Variants in PPM1D observed in about 807,000 individuals in gnomAD.
PPM1D encodes protein phosphatase, Mg2+/Mn2+ dependent 1D.
A neutral mutation model predicts 58.3 loss-of-function variants in PPM1D; 52 were observed. The ratio of observed to expected loss-of-function variants is 0.89; its 90% CI spans 0.71 to 1.12. PPM1D has a LOEUF of 1.12. PPM1D is among the 50% of genes most tolerant of loss of function. The pLI is 0.00. For synonymous variants in PPM1D, 278 were observed against 285.1 expected, an observed-to-expected ratio of 0.98 and a Z score of 0.25; for missense variants, 564 against 777.2, an observed-to-expected ratio of 0.73 and a Z score of 3.26.
intron 3 of PPM1D, among the ~76,000 whole-genome samples, chr17:60,647,078 T>G (rs1233753358): frequency 6.6e-6 from 1 of 152,250 alleles, no homozygotes; most frequent in Non-Finnish European, 1.5e-5. Flanking sequence ...TTATCTTGAT[T>G]AATCTTGGCC....
rs1159902812 is a variant in PPM1D at position 60,608,088 on chromosome 17, CCTT to C, written c.472+7205_472+7207del. Among the ~76,000 whole-genome samples the C allele has an allele frequency of 3.3e-5, 5 of 152,090 alleles. No homozygotes were observed. In the East Asian group the frequency reaches 9.6e-4, roughly 29 times the overall value. ...ATTTTTTCATCATAAAGGATCTTCA[CCTT>C]CTCATAAATTATACGTTCTGAAAGA... On this transcript the variant is annotated intron_variant, in intron 1 of 5. Coordinates refer to ENST00000305921, the MANE Select transcript of PPM1D (RefSeq NM_003620.4).
chr17:60,633,761 AGT>A lies in PPM1D; in HGVS notation c.702-91_702-90del, dbSNP rs2030973012. On this transcript the variant is annotated intron_variant, in intron 2 of 5. Transcript: ENST00000305921. The stretch of plus-strand genomic sequence containing the variant: ...ATAAGACATTATTTTGTAATAATGT[AGT>A]CTTATTTTATTAGTGATTTAATATA... 4 of 1,231,294 alleles carry A rather than the reference AGT, an allele frequency of 3.2e-6. No individual in the cohort carries two copies. In the Admixed American group the frequency reaches 1.1e-4, roughly 33 times the overall value. 76.3% of individuals were successfully genotyped at this position (1,231,294 alleles called of 1,614,324 possible). A position where few individuals can be genotyped will look rare whatever the true frequency, so the allele number is the denominator to read the frequency against.
intron 4 of PPM1D, among the ~76,000 whole-genome samples, chr17:60,652,407 G>A (rs967393430): frequency 3.9e-5 from 6 of 152,040 alleles, no homozygotes; most frequent in East Asian, 3.8e-4. Context: ...TGGAATTGAC[G>A]TAGGATGATT....
intron 3 of PPM1D, among the ~76,000 whole-genome samples, chr17:60,647,513 T>G (rs1476069096): frequency 6.6e-6 from 1 of 152,068 alleles, no homozygotes; most frequent in African/African-American, 2.4e-5. Flanking sequence ...AATATTAGTA[T>G]TATTTTCTCC....
chr17:60,661,649 T>C (rs1230278667), intron 5 of PPM1D, among the ~76,000 whole-genome samples: 2 of 152,168 alleles, frequency 1.3e-5, no homozygotes, highest in Admixed American at 6.5e-5. Context: ...TTTGTTTTCA[T>C]CAATTGGGAA....
At chr17:60,648,186 T>C (rs1254992778) in intron 4 of PPM1D, 104 bp downstream of exon 4, 6 of 1,288,874 alleles carry the variant, frequency 4.7e-6, no homozygotes, top group Non-Finnish European at 6.3e-6. Flanking sequence ...GGGTAGATTT[T>C]TGCATTTGCC....
intron 3 of PPM1D, among the ~76,000 whole-genome samples, chr17:60,645,574 ATATATATATGTGTGTATATATATG>A (rs1567974736): frequency 5.5e-5 from 7 of 127,916 alleles, no homozygotes; most frequent in East Asian, 2.3e-4. Flanking sequence ...ATATATATGT[ATATATATATGTGTGTATATATATG>A]TATATATATG....
Position 60,615,876 on chromosome 17 carries a change from C to G in PPM1D, c.473-7645C>G, listed in dbSNP as rs563987439. Among the ~76,000 whole-genome samples, 4 of 152,092 alleles carry G rather than the reference C, an allele frequency of 2.6e-5. No homozygotes were observed. In the East Asian group the frequency reaches 7.7e-4, roughly 29 times the overall value. ...TGTTGTCCAGGCTGGAGTATAGTAG[C>G]TATTCACGGGTTCAATCACAGTGCA... On this transcript the variant is annotated intron_variant, in intron 1 of 5. Coordinates refer to ENST00000305921, the MANE Select transcript of PPM1D (RefSeq NM_003620.4).
chr17:60,622,547 A>G (rs749537350), intron 1 of PPM1D, among the ~76,000 whole-genome samples: 1 of 152,214 alleles, frequency 6.6e-6, no homozygotes, highest in East Asian at 1.9e-4. Flanking sequence ...TTGTAATTTA[A>G]TATACAGGGA....
At chr17:60,604,280 A>C (rs1294951909) in intron 1 of PPM1D, among the ~76,000 whole-genome samples, 2 of 152,228 alleles carry the variant, frequency 1.3e-5, no homozygotes, top group Non-Finnish European at 2.9e-5. Context: ...CATTATCCAA[A>C]ATGTATTTTT....
chr17:60,632,397 T>C (rs929498180), intron 2 of PPM1D, among the ~76,000 whole-genome samples: 2 of 152,114 alleles, frequency 1.3e-5, no homozygotes, highest in Admixed American at 6.5e-5. Flanking sequence ...GCTGAAATCA[T>C]ATTAAAACTG....
chr17:60,658,869 G>A (rs1163874448), intron 5 of PPM1D, among the ~76,000 whole-genome samples: 1 of 151,918 alleles, frequency 6.6e-6, no homozygotes, highest in Non-Finnish European at 1.5e-5. Context: ...GGCAGAGGCG[G>A]GAATCGCTTG....
At chr17:60,605,418 C>T (rs1486813385) in intron 1 of PPM1D, among the ~76,000 whole-genome samples, 1 of 152,174 alleles carries the variant, frequency 6.6e-6, no homozygotes, top group African/African-American at 2.4e-5. Context: ...TCTTTGGGGC[C>T]AGAGATACTG....
At chr17:60,604,911 C>T (rs1401247324) in intron 1 of PPM1D, among the ~76,000 whole-genome samples, 2 of 152,232 alleles carry the variant, frequency 1.3e-5, no homozygotes, top group African/African-American at 4.8e-5. Context: ...CTCCTCCTCT[C>T]AGGTTCAAGC....
intron 3 of PPM1D, among the ~76,000 whole-genome samples, chr17:60,634,830 G>T (rs2030992654): frequency 6.6e-6 from 1 of 152,096 alleles, no homozygotes; most frequent in Non-Finnish European, 1.5e-5. Flanking sequence ...ATTCAGCCTG[G>T]ATTGCAGTGG....
chr17:60,624,421 G>A (rs545030260), intron 2 of PPM1D, among the ~76,000 whole-genome samples: 1 of 152,092 alleles, frequency 6.6e-6, no homozygotes, highest in Non-Finnish European at 1.5e-5. Context: ...CCATGATATC[G>A]TTACTTGCCT....
chr17:60,630,403 C>T (rs965531305), intron 2 of PPM1D, among the ~76,000 whole-genome samples: 1 of 152,044 alleles, frequency 6.6e-6, no homozygotes, highest in Non-Finnish European at 1.5e-5. Flanking sequence ...GACAGTTGGG[C>T]AGATACTCCG....
chr17:60,626,456 G>A lies in PPM1D; in HGVS notation c.701+2707G>A, dbSNP rs540917946. Among the ~76,000 whole-genome samples the A allele has an allele frequency of 9.6e-4, 144 of 150,774 alleles. 1 individual carries two copies. The highest frequency in any genetic ancestry group is 4.5e-3 in the Admixed American group (68 of 15,084). ...TTCGCCCAGGCTGGAGTGCAGTGGC[G>A]CGATCTCGGCTCACTGCAAGCTCGG... On this transcript the variant is annotated intron_variant, in intron 2 of 5. Transcript: ENST00000305921.
At chr17:60,644,097 T>TC (rs2031191602) in intron 3 of PPM1D, among the ~76,000 whole-genome samples, 1 of 151,960 alleles carries the variant, frequency 6.6e-6, no homozygotes, top group Non-Finnish European at 1.5e-5. Context: ...CAGGCTGGTC[T>TC]CCAACTGTTG....
Sources: allele counts gnomAD v4.1 joint callset (sites outside exome capture counted in the v4.1 genomes callset), GRCh38; gene constraint gnomAD v4.1.1; transcripts MANE v1.5; gene names NCBI Gene and HGNC (gene_info 2026-07-23, HGNC 2026-07-21).